The following RAPH1 variants were observed in gnomAD, a reference collection of about 807,000 sequenced individuals.
RAPH1 encodes the protein Ras association (RalGDS/AF-6) and pleckstrin homology domains 1.
RAPH1 carries 18 observed loss-of-function variants against 88.1 expected under a neutral mutation model. The ratio of observed to expected loss-of-function variants is 0.20; its 90% CI spans 0.14 to 0.30. The LOEUF (loss-of-function observed/expected upper bound fraction) is 0.30. Ranked by LOEUF, RAPH1 falls within the 10% of genes least tolerant of loss-of-function variation. RAPH1 has a pLI of 1.00. For synonymous variants in RAPH1, 587 were observed against 559.0 expected, an observed-to-expected ratio of 1.05 and a Z score of -0.71; for missense variants, 1,448 against 1,543.2, an observed-to-expected ratio of 0.94 and a Z score of 1.03.
intron 4 of RAPH1, among the ~76,000 whole-genome samples, chr2:203,465,263 T>G (rs762691287): frequency 1.3e-5 from 2 of 152,158 alleles, no homozygotes; most frequent in African/African-American, 2.4e-5. Flanking sequence ...CAGTAAGTAA[T>G]AAATAAACTA....
chr2:203,462,036 T>A, intron 4 of RAPH1, 111 bp from the exon 5 acceptor site: 1 of 703,748 alleles, frequency 1.4e-6, no homozygotes, highest in Non-Finnish European at 2.2e-6. Context: ...AGAATATAAC[T>A]ACACACAGAG....
intron 4 of RAPH1, among the ~76,000 whole-genome samples, chr2:203,481,347 G>A (rs1687710815): frequency 6.6e-6 from 1 of 152,064 alleles, no homozygotes; most frequent in African/African-American, 2.4e-5. Context: ...CATTGTAAAA[G>A]AGGGATAACC....
At chr2:203,512,111 C>CA (rs900098680) in intron 1 of RAPH1, among the ~76,000 whole-genome samples, 31 of 150,136 alleles carry the variant, frequency 2.1e-4, no homozygotes, top group Non-Finnish European at 3.4e-4. Context: ...GACTCCGTTC[C>CA]AAAAAAAACA....
At chr2:203,454,683 G>A (rs2098517793) in intron 9 of RAPH1, 143 bp from the exon 10 acceptor site, 1 of 602,996 alleles carries the variant, frequency 1.7e-6, no homozygotes, top group East Asian at 2.8e-5. Flanking sequence ...GAGACAATGA[G>A]ATGCTCCATA....
At chr2:203,515,393 G>C (rs1689554143) in intron 1 of RAPH1, among the ~76,000 whole-genome samples, 3 of 152,162 alleles carry the variant, frequency 2.0e-5, no homozygotes, top group African/African-American at 7.2e-5. Context: ...ACTAATAATG[G>C]TCAGGCAGTG....
At chr2:203,465,054 TAC>T (rs1366837280) in intron 4 of RAPH1, among the ~76,000 whole-genome samples, 1 of 152,224 alleles carries the variant, frequency 6.6e-6, no homozygotes, top group Non-Finnish European at 1.5e-5. Flanking sequence ...TATAAAATGG[TAC>T]AGTCACTTTG....
chr2:203,457,447 G>C, intron 8 of RAPH1, 83 bp downstream of exon 8: 1 of 1,056,576 alleles, frequency 9.5e-7, no homozygotes, highest in South Asian at 1.3e-5. Flanking sequence ...GCCTCCCGAA[G>C]TGTTGGGATT....
intron 4 of RAPH1, among the ~76,000 whole-genome samples, chr2:203,486,241 A>AT (rs1687966246): frequency 6.6e-6 from 1 of 152,220 alleles, no homozygotes; most frequent in Non-Finnish European, 1.5e-5. Context: ...AAAATTAAAT[A>AT]TTTTTAAACA....
intron 1 of RAPH1, among the ~76,000 whole-genome samples, chr2:203,522,526 C>T (rs1451413733): frequency 6.6e-5 from 10 of 152,132 alleles, no homozygotes; most frequent in Admixed American, 3.3e-4. Context: ...AACCAATGTC[C>T]CAGTGGGCAT....
rs2098511745 is a variant in RAPH1, at chr2:203,448,268, G to A, written c.1513-189C>T. 6.6e-6 allele frequency among the ~76,000 whole-genome samples: 1 copy of A among 152,136 alleles called. No individual in the cohort carries two copies. The highest frequency in any genetic ancestry group is 1.5e-5 in the Non-Finnish European group (1 of 68,018). On this transcript the variant is annotated intron_variant, in intron 11 of 13. Coordinates refer to ENST00000319170, the MANE Select transcript of RAPH1 (RefSeq NM_213589.3). This position sits in a 1 kb window ranked among gnomAD's most constrained non-coding sequence, Gnocchi z 4.1. ...ATTCTTATTTCTCCTCATTTTTAGA[G>A]GGGCAGCAAGAAGTCAACACTTGAT... is the stretch of plus-strand genomic sequence containing the variant.
At chr2:203,445,256 T>A (rs2098508421) in intron 12 of RAPH1, 2 of 395,318 alleles carry the variant, frequency 5.1e-6, no homozygotes, top group Non-Finnish European at 9.0e-6. Flanking sequence ...TTATAATAAA[T>A]GATTCACATA....
chr2:203,508,845 T>C (rs79097984), intron 1 of RAPH1, among the ~76,000 whole-genome samples: 2,224 of 152,292 alleles, frequency 0.015, 29 homozygotes, highest in Admixed American at 0.027. Context: ...AAAACACTTT[T>C]ACTAAATTAA....
At chr2:203,441,619 T>C in intron 13 of RAPH1, 1 of 1,342,226 alleles carries the variant, frequency 7.5e-7, no homozygotes, top group South Asian at 2.2e-5. Flanking sequence ...AACAGAAAAC[T>C]TGTTTTACCC....
chr2:203,504,960 G>T (rs927152939), intron 1 of RAPH1, among the ~76,000 whole-genome samples: 3 of 152,112 alleles, frequency 2.0e-5, no homozygotes, highest in Non-Finnish European at 2.9e-5. Flanking sequence ...CTCCATCTGA[G>T]ACCACCTCAG....
Position 203,434,612 on chromosome 2 carries a change from G to A in RAPH1, c.*4825C>T, listed in dbSNP as rs1213083116. On this transcript the variant is annotated 3_prime_UTR_variant, in exon 14 of 14. Transcript: ENST00000319170. ...GAGGTGGGGAAATAATATGAAAAAC[G>A]GCAGTTTTTGGTATTAGGTTACAAT... 1 of 150,664 alleles carries A rather than the reference G, an allele frequency of 6.6e-6. No individual in the cohort carries two copies. Among genetic ancestry groups the A allele is most frequent in the African/African-American group, 2.5e-5 (1 of 40,800 alleles). 9.3% of individuals were successfully genotyped at this position (150,664 alleles called of 1,614,324 possible). A position where few individuals can be genotyped will look rare whatever the true frequency, so the allele number is the denominator to read the frequency against.
At position 203,448,844 on chromosome 2, in the gene RAPH1, A is replaced by G; in HGVS notation, c.1414-8T>C. 1 of 1,587,040 alleles carries G rather than the reference A, an allele frequency of 6.3e-7. No individual in the cohort carries two copies. The highest frequency in any genetic ancestry group is 8.6e-7 in the Non-Finnish European group (1 of 1,162,558). ...CTTCTGGATTTGTGGATGCTGCAAG[A>G]TTAAAGACAAAATCCAACTAAGTCC... On this transcript the variant is annotated splice_polypyrimidine_tract_variant and splice_region_variant and intron_variant, in intron 10 of 13. Transcript: ENST00000319170. The surrounding 1 kb of genome is among the most constrained non-coding windows in gnomAD (Gnocchi z 4.1).
intron 4 of RAPH1, among the ~76,000 whole-genome samples, chr2:203,474,915 AG>A (rs2105754339): frequency 6.6e-6 from 1 of 152,200 alleles, no homozygotes; most frequent in African/African-American, 2.4e-5. Flanking sequence ...GTTCAAGACC[AG>A]CCTGGCCAAC....
At chr2:203,514,706 C>T (rs2105938541) in intron 1 of RAPH1, among the ~76,000 whole-genome samples, 1 of 152,176 alleles carries the variant, frequency 6.6e-6, no homozygotes, top group Admixed American at 6.5e-5. Context: ...AGGCGCCCAC[C>T]ACCACGTGCA....
chr2:203,491,019 G>A (rs1175132041), intron 3 of RAPH1, among the ~76,000 whole-genome samples, 195 bp downstream of exon 3: 2 of 150,198 alleles, frequency 1.3e-5, no homozygotes, highest in Non-Finnish European at 3.0e-5. Flanking sequence ...ACTCCAGCCT[G>A]GGCGACAAAA....
Sources: allele counts gnomAD v4.1 joint callset (sites outside exome capture counted in the v4.1 genomes callset), GRCh38; gene constraint gnomAD v4.1.1; non-coding constraint Gnocchi (gnomAD v3.1); transcripts MANE v1.5; gene names NCBI Gene and HGNC (gene_info 2026-07-23, HGNC 2026-07-21).